Variants in EXOC4 observed in about 807,000 individuals in gnomAD.
EXOC4 encodes the protein SEC8-like 1.
EXOC4 carries 71 observed loss-of-function variants against 107.2 expected under a neutral mutation model. That is an observed-to-expected ratio of 0.66 (90% CI 0.55 to 0.81). EXOC4 has a LOEUF of 0.81. Among genes scored for constraint, EXOC4 ranks in the 30% least tolerant of loss-of-function variants. The probability of loss-of-function intolerance (pLI) is 0.00; values close to 1 mark genes in which losing one functional copy is unlikely to be tolerated. For missense variants in EXOC4, 1,108 were observed against 1,189.6 expected (o/e 0.93, Z 1.01); for synonymous variants, 456 against 441.2 (o/e 1.03, Z -0.42).
At chr7:133,636,644 CAA>C (rs1240838388) in intron 10 of EXOC4, among the ~76,000 whole-genome samples, 2 of 152,148 alleles carry the variant, frequency 1.3e-5, no homozygotes, top group Non-Finnish European at 2.9e-5. Context: ...ATTCAAATTG[CAA>C]AGTGTTACTG....
chr7:133,525,578 A>T (rs939146102), intron 9 of EXOC4, among the ~76,000 whole-genome samples: 1 of 152,140 alleles, frequency 6.6e-6, no homozygotes, highest in Non-Finnish European at 1.5e-5. Context: ...ACCTGTCAGG[A>T]TAATGCTGTT....
intron 12 of EXOC4, among the ~76,000 whole-genome samples, chr7:133,897,514 A>C (rs1799347461): frequency 6.6e-6 from 1 of 152,306 alleles, no homozygotes; most frequent in East Asian, 1.9e-4. Flanking sequence ...TGGAATAATA[A>C]AATAATTTCA....
chr7:133,570,737 T>C (rs1801006095), intron 9 of EXOC4, among the ~76,000 whole-genome samples: 1 of 152,168 alleles, frequency 6.6e-6, no homozygotes, highest in Admixed American at 6.5e-5. Flanking sequence ...GATGTATGGT[T>C]TTTCGCATTC....
intron 9 of EXOC4, among the ~76,000 whole-genome samples, chr7:133,492,264 A>T (rs1472845932): frequency 1.3e-5 from 2 of 152,194 alleles, no homozygotes; most frequent in African/African-American, 4.8e-5. Flanking sequence ...AGGTACAATC[A>T]GTTGGACATG....
intron 5 of EXOC4, among the ~76,000 whole-genome samples, chr7:133,351,790 T>C (rs1795916797): frequency 6.6e-6 from 1 of 152,006 alleles, no homozygotes; most frequent in Non-Finnish European, 1.5e-5. Flanking sequence ...AGATCTTTTT[T>C]GTTTTTTACC....
chr7:133,552,264 T>C (rs1405513734), intron 9 of EXOC4, among the ~76,000 whole-genome samples: 6 of 152,172 alleles, frequency 3.9e-5, no homozygotes, highest in Non-Finnish European at 5.9e-5. Flanking sequence ...GAGGCAGAGT[T>C]ATTGGTTTAT....
In EXOC4 at chr7:133,620,955, T is replaced by C. The variant is rs79503012; in HGVS notation, c.1418-9090T>C. On this transcript the variant is annotated intron_variant, in intron 9 of 17. Coordinates refer to ENST00000253861, the MANE Select transcript of EXOC4 (RefSeq NM_021807.4). ...TTAAAACTCCCTTGTGCCTTGTTGA[T>C]CAACCATTTAAAAATATGCGTGGAG... 5.2e-3 allele frequency among the ~76,000 whole-genome samples: 791 copies of C among 152,318 alleles called. 5 individuals carry two copies. Among genetic ancestry groups the C allele is most frequent in the Middle Eastern group, 0.017 (5 of 294 alleles).
At chr7:133,577,207 A>T (rs759185870) in intron 9 of EXOC4, among the ~76,000 whole-genome samples, 2 of 152,168 alleles carry the variant, frequency 1.3e-5, no homozygotes, top group South Asian at 2.1e-4. Context: ...ATCTTTAAAC[A>T]TTCACTCTAT....
rs1794347679 is a variant in EXOC4, at chr7:133,289,123, G to T, written c.471+7G>T. 1 of 1,613,108 alleles carries T rather than the reference G, an allele frequency of 6.2e-7. No homozygotes were observed. Among genetic ancestry groups the T allele is most frequent in the African/African-American group, 1.3e-5 (1 of 74,914 alleles). Reference sequence around the variant, plus strand: ...CAGTGCCACTGACATGTTGGTAAGAGAACAGCCTGTGCTAAGGGTCATTTT... The same window carrying T: ...CAGTGCCACTGACATGTTGGTAAGATAACAGCCTGTGCTAAGGGTCATTTT... On this transcript the variant is annotated splice_region_variant and intron_variant, in intron 3 of 17. Transcript: ENST00000253861.
intron 9 of EXOC4, among the ~76,000 whole-genome samples, chr7:133,601,076 TC>T (rs1801794485): frequency 6.6e-6 from 1 of 152,188 alleles, no homozygotes; most frequent in African/African-American, 2.4e-5. Context: ...TTGCCCAGCT[TC>T]CCCTTTGTTT....
At chr7:133,686,249 T>C (rs1248334406) in intron 10 of EXOC4, among the ~76,000 whole-genome samples, 2 of 152,182 alleles carry the variant, frequency 1.3e-5, no homozygotes, top group African/African-American at 4.8e-5. Flanking sequence ...AAATTTATTT[T>C]CTTTGTAAAT....
At chr7:133,759,462 T>C (rs1222226578) in intron 10 of EXOC4, among the ~76,000 whole-genome samples, 1 of 152,222 alleles carries the variant, frequency 6.6e-6, no homozygotes, top group Admixed American at 6.5e-5. Flanking sequence ...CTACAGTGGC[T>C]TTCCAAGTAC....
At chr7:134,013,022 T>TGAAAGA (rs1358738095) in intron 17 of EXOC4, among the ~76,000 whole-genome samples, 2 of 152,220 alleles carry the variant, frequency 1.3e-5, no homozygotes, top group African/African-American at 4.8e-5. Context: ...TCCTTTATCT[T>TGAAAGA]TCATACACAA....
chr7:133,432,245 TAGA>T (rs1797872234), intron 7 of EXOC4, among the ~76,000 whole-genome samples: 2 of 152,178 alleles, frequency 1.3e-5, no homozygotes, highest in African/African-American at 4.8e-5. Context: ...GGCTTTTATT[TAGA>T]AGATTTGTGT....
At chr7:133,276,203 G>C (rs1793987444) in intron 2 of EXOC4, among the ~76,000 whole-genome samples, 1 of 151,704 alleles carries the variant, frequency 6.6e-6, no homozygotes, top group Non-Finnish European at 1.5e-5. Context: ...GAAAACTCTT[G>C]GTTCTTGGGT....
At chr7:133,255,459 A>G (rs1030423112) in intron 1 of EXOC4, among the ~76,000 whole-genome samples, 4 of 152,008 alleles carry the variant, frequency 2.6e-5, no homozygotes, top group African/African-American at 9.7e-5. Flanking sequence ...ACAGGCATGA[A>G]CCACCGTGCC....
chr7:133,253,223 G>T (rs770728055), intron 1 of EXOC4, 36 bp downstream of exon 1: 9 of 1,603,234 alleles, frequency 5.6e-6, no homozygotes, highest in Non-Finnish European at 7.7e-6. Flanking sequence ...GGGGACTGGG[G>T]GCAGCGGCTC....
rs139379846 is a variant in EXOC4, at chr7:133,861,752, T to C, written c.1735-33847T>C. 4.1e-3 allele frequency among the ~76,000 whole-genome samples: 623 copies of C among 152,242 alleles called. 2 individuals are homozygous for C. The highest frequency in any genetic ancestry group is 0.014 in the African/African-American group (598 of 41,548). ...TTTCACCATGCTGGCCAGGCTGGTC[T>C]CGAACTCCTGAACTCAAGTGATTCA... On this transcript the variant is annotated intron_variant, in intron 11 of 17. Coordinates refer to ENST00000253861, the MANE Select transcript of EXOC4 (RefSeq NM_021807.4).
the EXOC4 span, among the ~76,000 whole-genome samples, chr7:134,080,782 A>G: frequency 6.6e-6 from 1 of 151,884 alleles, no homozygotes; most frequent in South Asian, 2.1e-4. Flanking sequence ...TTAAAAATAT[A>G]TATATATATA....
Sources: gnomAD v4.1 joint callset for allele counts (sites outside exome capture counted in the v4.1 genomes callset) on GRCh38, gnomAD v4.1.1 for gene constraint, MANE v1.5 for transcripts, NCBI Gene and HGNC (gene_info 2026-07-23, HGNC 2026-07-21) for gene names.